Variants in PTDSS1 observed in about 807,000 individuals in gnomAD.
The protein encoded by PTDSS1 is PSS-1.
A neutral mutation model predicts 70.5 loss-of-function variants in PTDSS1; 45 were observed. The observed-to-expected ratio is 0.64, with a 90% CI of 0.50 to 0.82. PTDSS1 has a LOEUF of 0.82. Among genes scored for constraint, PTDSS1 ranks in the 40% least tolerant of loss-of-function variants. The pLI, the probability that PTDSS1 is intolerant of heterozygous loss-of-function variation, is 0.00. For missense variants in PTDSS1, 417 were observed against 586.1 expected (o/e 0.71, Z 2.98); for synonymous variants, 188 against 203.8 (o/e 0.92, Z 0.66).
At position 96,262,443 on chromosome 8, in the gene PTDSS1, G is replaced by A. The variant is rs975989255; in HGVS notation, c.179+224G>A. On this transcript the variant is annotated intron_variant, in intron 1 of 12. Coordinates refer to ENST00000517309, the MANE Select transcript of PTDSS1 (RefSeq NM_014754.3). The surrounding 1 kb of genome is among the most constrained non-coding windows in gnomAD (Gnocchi z 4.4). ...CCCCTCAGTGCCCCTTCTCCATACA[G>A]CGCCTCCGGTTACACGGGGAACGCA... 2.6e-5 allele frequency among the ~76,000 whole-genome samples: 4 copies of A among 152,122 alleles called. No homozygotes were observed. The highest frequency in any genetic ancestry group is 4.8e-5 in the African/African-American group (2 of 41,434).
chr8:96,276,976 G>GCA lies in PTDSS1; in HGVS notation c.271+3587_271+3588insAC, dbSNP rs1278729372. ...CCCGGGCACATACACGCGCGCACGC[G>GCA]CGCGCACACACACACACACACACAC... On this transcript the variant is annotated intron_variant, in intron 2 of 12. Coordinates refer to ENST00000517309, the MANE Select transcript of PTDSS1 (RefSeq NM_014754.3). 9.0e-3 allele frequency among the ~76,000 whole-genome samples: 969 copies of GCA among 107,584 alleles called. 13 individuals carry two copies. The highest frequency in any genetic ancestry group is 0.026 in the African/African-American group (881 of 33,416). 70.6% of individuals were successfully genotyped at this position (107,584 alleles called of 152,430 possible).
intron 2 of PTDSS1, among the ~76,000 whole-genome samples, chr8:96,278,889 T>G (rs536769564): frequency 4.7e-4 from 72 of 151,908 alleles, no homozygotes; most frequent in African/African-American, 1.5e-3. Flanking sequence ...AATTAAATAA[T>G]AAATCCACCT....
chr8:96,284,088 T>C, intron 2 of PTDSS1, 21 bp from the exon 3 acceptor site: 2 of 1,594,956 alleles, frequency 1.3e-6, no homozygotes, highest in East Asian at 4.5e-5. Flanking sequence ...CTTCTAACTT[T>C]ATAATGTTAT....
intron 6 of PTDSS1, among the ~76,000 whole-genome samples, chr8:96,301,670 C>A (rs1236433605): frequency 6.6e-6 from 1 of 151,706 alleles, no homozygotes; most frequent in Non-Finnish European, 1.5e-5. Flanking sequence ...GCCACCACGC[C>A]CGGCTAACTT....
rs1419216482 is a variant in PTDSS1, at chr8:96,336,130, G to T, written c.*2564G>T. ...ACCACTCTCACAGCAATGCTAGGAT[G>T]TTTCATGGACCTGTTAAGCATTTTG... On this transcript the variant is annotated 3_prime_UTR_variant, in exon 13 of 13. Transcript: ENST00000517309. 6.6e-6 allele frequency: 1 copy of T among 151,238 alleles called. No individual in the cohort carries two copies. Among genetic ancestry groups the T allele is most frequent in the East Asian group, 1.9e-4 (1 of 5,190 alleles). 9.4% of individuals were successfully genotyped at this position (151,238 alleles called of 1,614,324 possible).
At chr8:96,283,061 C>T (rs1357074612) in intron 2 of PTDSS1, among the ~76,000 whole-genome samples, 3 of 152,232 alleles carry the variant, frequency 2.0e-5, no homozygotes, top group East Asian at 1.9e-4. Flanking sequence ...GGGAGTGCCA[C>T]TTTGGATGGC....
At position 96,310,430 on chromosome 8, in the gene PTDSS1, G is replaced by A. The variant is rs1163271374; in HGVS notation, c.1073+808G>A. 2.6e-5 allele frequency among the ~76,000 whole-genome samples: 4 copies of A among 151,448 alleles called. 1 individual carries two copies. The highest frequency in any genetic ancestry group is 5.9e-5 in the Non-Finnish European group (4 of 67,890). ...GACCCCCTTGGCCTCCCAAAGTGCT[G>A]GGATTACAGGCATGAGCCACCGCAC... is the stretch of plus-strand genomic sequence containing the variant. On this transcript the variant is annotated intron_variant, in intron 9 of 12. Coordinates refer to ENST00000517309, the MANE Select transcript of PTDSS1 (RefSeq NM_014754.3).
intron 9 of PTDSS1, among the ~76,000 whole-genome samples, chr8:96,312,146 G>T (rs375058487): frequency 6.6e-6 from 1 of 152,152 alleles, no homozygotes; most frequent in Non-Finnish European, 1.5e-5. Context: ...CCATCCCCAC[G>T]GTGGGAGAAA....
intron 2 of PTDSS1, among the ~76,000 whole-genome samples, chr8:96,279,547 A>G (rs994283240): frequency 1.3e-5 from 2 of 151,404 alleles, no homozygotes; most frequent in Non-Finnish European, 2.9e-5. Context: ...AGCCCAGCGT[A>G]GTGGCTCACG....
chr8:96,306,364 T>C, intron 7 of PTDSS1, 80 bp from the exon 8 acceptor site: 2 of 1,001,608 alleles, frequency 2.0e-6, no homozygotes, highest in Non-Finnish European at 3.1e-6. Flanking sequence ...TATTTCTAAT[T>C]GTAGAATGTC....
intron 4 of PTDSS1, among the ~76,000 whole-genome samples, chr8:96,290,504 C>T (rs940551315): frequency 6.6e-6 from 1 of 152,192 alleles, no homozygotes; most frequent in Non-Finnish European, 1.5e-5. Context: ...CTTTTAAACT[C>T]TAGTTTTCAA....
chr8:96,284,217 T>C, intron 3 of PTDSS1, 64 bp downstream of exon 3: 1 of 1,438,248 alleles, frequency 7.0e-7, no homozygotes, highest in Non-Finnish European at 9.7e-7. Flanking sequence ...TGCTTATCAC[T>C]TTAAGACTTT....
intron 10 of PTDSS1, among the ~76,000 whole-genome samples, chr8:96,324,841 A>C (rs1004981571): frequency 1.3e-5 from 2 of 152,206 alleles, no homozygotes; most frequent in Non-Finnish European, 2.9e-5. Flanking sequence ...TCTGTTACTT[A>C]TTTGACACTT....
intron 10 of PTDSS1, among the ~76,000 whole-genome samples, chr8:96,320,758 C>T (rs113400317): frequency 0.017 from 2,550 of 152,284 alleles, 68 homozygotes; most frequent in African/African-American, 0.057. Context: ...GACATATGGT[C>T]ATTCATAGGC....
At chr8:96,317,009 A>T (rs1811299108) in intron 9 of PTDSS1, among the ~76,000 whole-genome samples, 1 of 149,146 alleles carries the variant, frequency 6.7e-6, no homozygotes, top group African/African-American at 2.5e-5. Context: ...ATATATATAT[A>T]TGTATGTGTA....
chr8:96,287,051 G>A lies in PTDSS1; in HGVS notation c.346G>A (p.Val116Ile), dbSNP rs1810832492. ...GLSVLYFLFL[V>I]FLLFLNFEQV... ...CAGTGTGCTCTACTTCCTGTTCCTGGTATTCCTACTCTTCCTGAATTTCGA... is the reference window on the plus strand; with the variant it reads ...CAGTGTGCTCTACTTCCTGTTCCTGATATTCCTACTCTTCCTGAATTTCGA... Residue 116 changes from valine (V) to isoleucine (I), a missense_variant, in exon 4 of 13, where the codon GTA (valine) becomes ATA (isoleucine). Val to Ile is a conservative substitution (Grantham distance 29). Coordinates refer to ENST00000517309, the MANE Select transcript of PTDSS1 (RefSeq NM_014754.3). The A allele has an allele frequency of 6.2e-7, 1 of 1,613,816 alleles. No individual in the cohort carries two copies. The highest frequency in any genetic ancestry group is 8.5e-7 in the Non-Finnish European group (1 of 1,179,902).
At position 96,262,796 on chromosome 8, in the gene PTDSS1, A is replaced by G. The variant is rs773119253; in HGVS notation, c.179+577A>G. 1.3e-5 allele frequency among the ~76,000 whole-genome samples: 2 copies of G among 152,306 alleles called. No individual in the cohort carries two copies. The highest frequency in any genetic ancestry group is 6.8e-3 in the Middle Eastern group (2 of 294). On this transcript the variant is annotated intron_variant, in intron 1 of 12. Transcript: ENST00000517309. The surrounding 1 kb of genome is among the most constrained non-coding windows in gnomAD (Gnocchi z 4.4). Reference sequence around the variant, plus strand: ...GTCTTTCCTGTGCAGCACTTCCCGTATGCATTGCACACAAGTCATCCAGCA... The same window carrying G: ...GTCTTTCCTGTGCAGCACTTCCCGTGTGCATTGCACACAAGTCATCCAGCA...
intron 11 of PTDSS1, chr8:96,330,552 A>C: frequency 2.2e-6 from 1 of 463,256 alleles, no homozygotes; most frequent in Non-Finnish European, 4.0e-6. Flanking sequence ...AAGAAAAGTG[A>C]TGGGAAAGCT....
At chr8:96,293,608 T>C (rs1376921249) in intron 4 of PTDSS1, among the ~76,000 whole-genome samples, 3 of 152,262 alleles carry the variant, frequency 2.0e-5, no homozygotes, top group African/African-American at 4.8e-5. Flanking sequence ...GAGGGGATAA[T>C]TGGCAAATCT....
Sources: gnomAD v4.1 joint callset for allele counts (sites outside exome capture counted in the v4.1 genomes callset) on GRCh38, gnomAD v4.1.1 for gene constraint, Gnocchi (gnomAD v3.1) non-coding constraint, MANE v1.5 for transcripts, NCBI Gene and HGNC (gene_info 2026-07-23, HGNC 2026-07-21) for gene names.